The following PCDHA5 variants were observed in gnomAD, a reference collection of about 807,000 sequenced individuals.
The protein encoded by PCDHA5 is protocadherin alpha-5.
Under a neutral mutation model 61.6 loss-of-function variants are expected in PCDHA5, and 43 were observed. The ratio of observed to expected loss-of-function variants is 0.70; its 90% CI spans 0.55 to 0.90. The LOEUF (loss-of-function observed/expected upper bound fraction) is 0.90, where lower values mean the gene tolerates loss of function less well. Ranked by LOEUF, PCDHA5 falls within the 40% of genes least tolerant of loss-of-function variation. The probability of loss-of-function intolerance (pLI) is 0.00; values close to 1 mark genes in which losing one functional copy is unlikely to be tolerated. For missense variants in PCDHA5, 1,298 were observed against 1,222.7 expected, an observed-to-expected ratio of 1.06 and a Z score of -0.92; for synonymous variants, 627 against 543.9, an observed-to-expected ratio of 1.15 and a Z score of -2.13.
intron 1 of PCDHA5, among the ~76,000 whole-genome samples, chr5:140,934,422 A>G (rs2089824417): frequency 1.3e-5 from 2 of 152,176 alleles, no homozygotes; most frequent in South Asian, 2.1e-4. Flanking sequence ...TGCATTATCA[A>G]TGCAAGTGTA....
intron 1 of PCDHA5, among the ~76,000 whole-genome samples, chr5:140,891,122 G>A (rs572236105): frequency 1.3e-5 from 2 of 152,256 alleles, no homozygotes; most frequent in African/African-American, 4.8e-5. Flanking sequence ...CAATCTAAAT[G>A]TCATTCCTTT....
chr5:140,844,973 A>G (rs1229896570), intron 1 of PCDHA5, among the ~76,000 whole-genome samples: 1 of 149,218 alleles, frequency 6.7e-6, no homozygotes, highest in African/African-American at 2.5e-5. Context: ...TGTTATTAGT[A>G]TTGTTTTAAA....
intron 1 of PCDHA5, among the ~76,000 whole-genome samples, chr5:140,831,987 G>A (rs1349953832): frequency 2.6e-5 from 4 of 152,118 alleles, no homozygotes; most frequent in South Asian, 2.1e-4. Flanking sequence ...CTCTCATTAC[G>A]GATTCCATAT....
In PCDHA5 at chr5:140,856,537, G is replaced by T. The variant is rs782543512; in HGVS notation, c.2352+32410G>T. 18 of 1,598,256 alleles carry T rather than the reference G, an allele frequency of 1.1e-5. 3 individuals carry two copies. The highest frequency in any genetic ancestry group is 1.5e-5 in the Non-Finnish European group (18 of 1,167,836). ...GCGCATCTGATGCGGATGTTGGAGA[G>T]AACGCATTGCTTACTTACAAACTCA... On this transcript the variant is annotated intron_variant, in intron 1 of 3. Coordinates refer to ENST00000529859, the MANE Select transcript of PCDHA5 (RefSeq NM_018908.3).
At chr5:140,992,019 G>C (rs1326705755) in intron 3 of PCDHA5, among the ~76,000 whole-genome samples, 2 of 50,642 alleles carry the variant, frequency 3.9e-5, no homozygotes, top group African/African-American at 6.0e-5. Context: ...AGGTGGCTCT[G>C]TGTGTGTGTG....
At position 140,967,577 on chromosome 5, in the gene PCDHA5, C is replaced by T. The variant is rs141338011; in HGVS notation, c.2353-11372C>T. Reference sequence around the variant, plus strand: ...TCGCGTCCAGCTACGGGAGGACTCACCCCCAGGCACATTGGTGGTGAAGCT... The same window carrying T: ...TCGCGTCCAGCTACGGGAGGACTCATCCCCAGGCACATTGGTGGTGAAGCT... On this transcript the variant is annotated intron_variant, in intron 1 of 3. Transcript: ENST00000529859. 11 of 1,614,016 alleles carry T rather than the reference C, an allele frequency of 6.8e-6. No homozygotes were observed. Among genetic ancestry groups the T allele is most frequent in the African/African-American group, 4.0e-5 (3 of 74,938 alleles).
intron 1 of PCDHA5, chr5:140,829,231 T>A (rs2150164314): frequency 3.7e-6 from 6 of 1,614,244 alleles, no homozygotes; most frequent in Non-Finnish European, 5.1e-6. Context: ...TCGATTCAGG[T>A]GCCAACGGGC....
intron 3 of PCDHA5, among the ~76,000 whole-genome samples, chr5:141,007,087 A>G (rs1554261040): frequency 6.6e-6 from 1 of 152,112 alleles, no homozygotes; most frequent in African/African-American, 2.4e-5. Context: ...AATAGAGAAG[A>G]GAGTCTAGGG....
intron 1 of PCDHA5, chr5:140,969,137 T>A (rs1326685727): frequency 6.2e-7 from 1 of 1,614,036 alleles, no homozygotes. Flanking sequence ...CACCAAGACC[T>A]ACTGCTACAA....
chr5:140,845,716 T>C (rs1554140984), intron 1 of PCDHA5, among the ~76,000 whole-genome samples: 1 of 149,718 alleles, frequency 6.7e-6, no homozygotes, highest in Non-Finnish European at 1.5e-5. Context: ...TATGTATGCA[T>C]GATAAATGTG....
chr5:140,869,766 G>A (rs782388204), intron 1 of PCDHA5: 2 of 1,613,210 alleles, frequency 1.2e-6, no homozygotes, highest in Non-Finnish European at 1.7e-6. Flanking sequence ...GAAAACCAGA[G>A]CTTACTGGCA....
chr5:140,870,106 G>A, intron 1 of PCDHA5: 3 of 1,613,922 alleles, frequency 1.9e-6, no homozygotes, highest in Non-Finnish European at 2.5e-6. Context: ...TCACTGTACA[G>A]TCTGGGTGGA....
intron 1 of PCDHA5, among the ~76,000 whole-genome samples, chr5:140,918,702 G>A (rs2078814490): frequency 6.6e-6 from 1 of 152,150 alleles, no homozygotes; most frequent in Non-Finnish European, 1.5e-5. Flanking sequence ...ATTAAGTCAT[G>A]AGGGCAGAGC....
intron 1 of PCDHA5, among the ~76,000 whole-genome samples, chr5:140,831,600 T>G (rs1316984188): frequency 2.0e-5 from 3 of 150,404 alleles, no homozygotes; most frequent in Non-Finnish European, 2.9e-5. Flanking sequence ...TGGGTGCAAG[T>G]GATCTGCCCA....
chr5:140,830,354 C>T (rs2150185231), intron 1 of PCDHA5: 11 of 1,613,990 alleles, frequency 6.8e-6, no homozygotes, highest in African/African-American at 4.0e-5. Context: ...GCAGCAGAGG[C>T]GGCAGAGGGT....
In PCDHA5 at chr5:140,877,126, C is replaced by G. The variant is rs781947378; in HGVS notation, c.2352+52999C>G. 10 of 1,613,632 alleles carry G rather than the reference C, an allele frequency of 6.2e-6. No homozygotes were observed. The African/African-American group carries it at 1.3e-4, about 22-fold the overall frequency. On this transcript the variant is annotated intron_variant, in intron 1 of 3. Transcript: ENST00000529859. ...GCCTCTGGGCAGCAACGTGACGCTG[C>G]AGGTGTTCGTGCTGGACGAGAACGA... is the stretch of plus-strand genomic sequence containing the variant.
intron 1 of PCDHA5, among the ~76,000 whole-genome samples, chr5:140,975,683 G>A (rs1226769029): frequency 2.0e-5 from 3 of 151,934 alleles, no homozygotes; most frequent in Non-Finnish European, 2.9e-5. Context: ...AATAAAATAG[G>A]GTATTTTAAA....
chr5:140,966,792 C>A (rs1182470326), intron 1 of PCDHA5: 3 of 1,530,564 alleles, frequency 2.0e-6, no homozygotes, highest in Admixed American at 1.9e-5. Context: ...ACCAGACCTG[C>A]GGCGACAGAG....
chr5:140,927,702 C>T (rs533775539), intron 1 of PCDHA5: 2 of 1,614,210 alleles, frequency 1.2e-6, no homozygotes, highest in South Asian at 1.1e-5. Flanking sequence ...AAGTCCAGTA[C>T]TCCCTAAGCA....
Sources: allele counts gnomAD v4.1 joint callset (sites outside exome capture counted in the v4.1 genomes callset), GRCh38; gene constraint gnomAD v4.1.1; transcripts MANE v1.5; gene names NCBI Gene and HGNC (gene_info 2026-07-23, HGNC 2026-07-21).